Variants in COL24A1 observed in about 807,000 individuals in gnomAD.
COL24A1 encodes collagen alpha-1(XXIV) chain.
COL24A1 carries 224 observed loss-of-function variants against 253.9 expected under a neutral mutation model. The ratio of observed to expected loss-of-function variants is 0.88; its 90% CI spans 0.79 to 0.99. The LOEUF (loss-of-function observed/expected upper bound fraction) is 0.99. Among genes scored for constraint, COL24A1 ranks in the 50% least tolerant of loss-of-function variants. The pLI is 0.00. For missense variants in COL24A1, 2,131 were observed against 2,068.5 expected (o/e 1.03, Z -0.59); for synonymous variants, 685 against 673.7 (o/e 1.02, Z -0.26).
chr1:86,096,932 G>C (rs1175719103), intron 5 of COL24A1, among the ~76,000 whole-genome samples: 1 of 151,410 alleles, frequency 6.6e-6, no homozygotes, highest in African/African-American at 2.4e-5. Context: ...ATTTTTATAA[G>C]TTCTCACAAC....
chr1:85,922,356 C>T (rs1686616365), intron 24 of COL24A1, among the ~76,000 whole-genome samples: 1 of 152,246 alleles, frequency 6.6e-6, no homozygotes, highest in Middle Eastern at 3.4e-3. Context: ...AACTCCAAGA[C>T]ACACAATTGT....
chr1:85,925,917 C>T (rs970136090), intron 24 of COL24A1, among the ~76,000 whole-genome samples: 13 of 152,134 alleles, frequency 8.5e-5, no homozygotes, highest in African/African-American at 2.7e-4. Flanking sequence ...TTTTTGCAAT[C>T]TACCCATCTG....
chr1:85,885,397 A>ATATATTTTTTTT (rs60994639), intron 32 of COL24A1, among the ~76,000 whole-genome samples: 9,516 of 127,756 alleles, frequency 0.074, 588 homozygotes, highest in Non-Finnish European at 0.11. Flanking sequence ...ATATATATAT[A>ATATATTTTTTTT]TTTTTTTTTT....
Position 85,961,308 on chromosome 1 carries a change from T to A in COL24A1, c.2518-15A>T. ...CCTACTTCTCCCTGTCAAAAAAGAA[T>A]ATAAAGTTGCAAAAACAGTTATTTT... is the stretch of plus-strand genomic sequence containing the variant. On this transcript the variant is annotated splice_polypyrimidine_tract_variant and intron_variant, in intron 23 of 59. Coordinates refer to ENST00000370571, the MANE Select transcript of COL24A1 (RefSeq NM_152890.7). 1.3e-6 allele frequency: 2 copies of A among 1,593,888 alleles called. No individual in the cohort carries two copies. The highest frequency in any genetic ancestry group is 1.7e-6 in the Non-Finnish European group (2 of 1,164,290).
intron 19 of COL24A1, among the ~76,000 whole-genome samples, chr1:85,991,470 G>C (rs1219194499): frequency 6.6e-6 from 1 of 152,178 alleles, no homozygotes; most frequent in Admixed American, 6.6e-5. Context: ...TGGTTTCATG[G>C]GGCACATAAT....
Position 86,152,424 on chromosome 1 carries a change from G to A in COL24A1, c.56+3917C>T, listed in dbSNP as rs553447731. Among the ~76,000 whole-genome samples the A allele has an allele frequency of 5.3e-5, 8 of 152,300 alleles. No homozygotes were observed. The South Asian group carries it at 1.7e-3, about 32-fold the overall frequency. On this transcript the variant is annotated intron_variant, in intron 1 of 59. Transcript: ENST00000370571. The stretch of plus-strand genomic sequence containing the variant: ...TTATATAAAATTAACTTCAGTCTAT[G>A]TGTATAAGGTATATATGATACATAA...
intron 10 of COL24A1, among the ~76,000 whole-genome samples, chr1:86,052,663 G>A (rs75782849): frequency 4.0e-5 from 6 of 151,870 alleles, no homozygotes; most frequent in African/African-American, 1.2e-4. Context: ...GGTGGCAATG[G>A]TTGTACAACA....
At chr1:85,850,825 T>C (rs527756011) in intron 37 of COL24A1, among the ~76,000 whole-genome samples, 4 of 152,206 alleles carry the variant, frequency 2.6e-5, no homozygotes, top group South Asian at 4.2e-4. Context: ...ACTAGACTTA[T>C]GATGAAGAGC....
chr1:85,927,143 T>C (rs2103064543), intron 24 of COL24A1, among the ~76,000 whole-genome samples: 1 of 151,942 alleles, frequency 6.6e-6, no homozygotes, highest in East Asian at 1.9e-4. Context: ...AGAAGACGGG[T>C]GATTTCTGCA....
Position 85,841,218 on chromosome 1 carries a change from C to T in COL24A1, c.3627+4G>A, listed in dbSNP as rs1205495462. ...AACCAGAATTATTTCAGAAAAAGACCTACTGGTTCACCTCGAGGCCCAGGT... is the reference window on the plus strand; with the variant it reads ...AACCAGAATTATTTCAGAAAAAGACTTACTGGTTCACCTCGAGGCCCAGGT... On this transcript the variant is annotated splice_donor_region_variant and intron_variant, in intron 42 of 59. Transcript: ENST00000370571. 3 of 1,594,648 alleles carry T rather than the reference C, an allele frequency of 1.9e-6. No individual in the cohort carries two copies. In the African/African-American group the frequency reaches 4.1e-5, roughly 22 times the overall value.
intron 1 of COL24A1, among the ~76,000 whole-genome samples, chr1:86,146,396 A>G (rs1651885054): frequency 6.6e-6 from 1 of 152,026 alleles, no homozygotes. Context: ...TAATCATTCT[A>G]TGCCTTAGCT....
At chr1:85,895,547 G>C (rs890297150) in intron 31 of COL24A1, among the ~76,000 whole-genome samples, 2 of 152,088 alleles carry the variant, frequency 1.3e-5, no homozygotes, top group South Asian at 2.1e-4. Flanking sequence ...GTTATGGATA[G>C]GTACAACCCA....
At position 86,092,250 on chromosome 1, in the gene COL24A1, C is replaced by A. The variant is rs762395128; in HGVS notation, c.1653+17G>T. The A allele has an allele frequency of 2.6e-6, 4 of 1,563,574 alleles. No individual in the cohort carries two copies. The highest frequency in any genetic ancestry group is 4.5e-5 in the East Asian group (2 of 44,354). On this transcript the variant is annotated intron_variant, in intron 6 of 59. Transcript: ENST00000370571. ...GAAATATATTACCATAATTTCATTT[C>A]ATGGTCAAATAATTACCTTTTCTCC...
intron 19 of COL24A1, among the ~76,000 whole-genome samples, chr1:85,992,930 A>G (rs1694425269): frequency 6.6e-6 from 1 of 152,154 alleles, no homozygotes; most frequent in Non-Finnish European, 1.5e-5. Flanking sequence ...AGTAGTTTTA[A>G]AAATAGTATG....
At chr1:85,770,270 A>G (rs1396264532) in intron 53 of COL24A1, among the ~76,000 whole-genome samples, 1 of 151,556 alleles carries the variant, frequency 6.6e-6, no homozygotes, top group Non-Finnish European at 1.5e-5. Context: ...TATAACTGCA[A>G]CTTAATTATT....
chr1:85,922,864 C>T (rs1040480902), intron 24 of COL24A1, among the ~76,000 whole-genome samples: 73 of 152,252 alleles, frequency 4.8e-4, no homozygotes, highest in African/African-American at 1.5e-3. Flanking sequence ...TTAAAAGACA[C>T]GGACTGGCAA....
chr1:85,932,282 G>T (rs1293180776), intron 24 of COL24A1, among the ~76,000 whole-genome samples: 1 of 70,044 alleles, frequency 1.4e-5, no homozygotes, highest in Non-Finnish European at 3.0e-5. Context: ...CAAAGGACAT[G>T]AACAGACACT....
At chr1:85,948,523 C>CAAAAAAA (rs751884453) in intron 24 of COL24A1, among the ~76,000 whole-genome samples, 6 of 63,616 alleles carry the variant, frequency 9.4e-5, no homozygotes, top group East Asian at 4.5e-4. Flanking sequence ...GACTCCGTCT[C>CAAAAAAA]AAAAAAAAAA....
At chr1:85,882,899 T>C (rs746412475) in intron 32 of COL24A1, among the ~76,000 whole-genome samples, 5 of 152,252 alleles carry the variant, frequency 3.3e-5, no homozygotes, top group Non-Finnish European at 5.9e-5. Context: ...GTCTGCTTTC[T>C]CTGAAATATA....
Sources: allele counts gnomAD v4.1 joint callset (sites outside exome capture counted in the v4.1 genomes callset), GRCh38; gene constraint gnomAD v4.1.1; transcripts MANE v1.5; gene names NCBI Gene and HGNC (gene_info 2026-07-23, HGNC 2026-07-21).